PP2D1: variants seen among roughly 807,000 people sequenced by gnomAD.
The protein encoded by PP2D1 is protein phosphatase 2C like domain containing 1.
PP2D1 carries 25 observed loss-of-function variants against 30.2 expected under a neutral mutation model. The ratio of observed to expected loss-of-function variants is 0.83; its 90% CI spans 0.60 to 1.16. The LOEUF (loss-of-function observed/expected upper bound fraction) is 1.16, where lower values mean the gene tolerates loss of function less well. Among genes scored for constraint, PP2D1 ranks in the 50% most tolerant of loss-of-function variants. PP2D1 has a pLI of 0.00. For missense variants in PP2D1, 760 were observed against 742.4 expected, an observed-to-expected ratio of 1.02 and a Z score of -0.28; for synonymous variants, 260 against 258.9, an observed-to-expected ratio of 1.00 and a Z score of -0.04.
Position 20,001,900 on chromosome 3 carries a change from C to A in PP2D1, c.220G>T (p.Asp74Tyr). The A allele has an allele frequency of 6.5e-7, 1 of 1,536,308 alleles. No individual in the cohort carries two copies. Among genetic ancestry groups the A allele is most frequent in the South Asian group, 1.2e-5 (1 of 84,032 alleles). Residue 74 changes from aspartate to tyrosine, a missense_variant, in exon 2 of 3, where the codon GAC becomes TAC. Asp to Tyr is a radical substitution (Grantham distance 160). Coordinates refer to ENST00000389050, the MANE Select transcript of PP2D1 (RefSeq NM_001252657.2). ...LPCSICKHEI[D>Y]LTGIFLHKKQ... Reference sequence around the variant, plus strand: ...TTATGGAGAAAAATACCAGTTAGGTCAATTTCGTGCTTGCATATGGAACAG... The same window carrying A: ...TTATGGAGAAAAATACCAGTTAGGTAAATTTCGTGCTTGCATATGGAACAG...
At chr3:19,994,691 C>G (rs1376842038) in intron 2 of PP2D1, among the ~76,000 whole-genome samples, 3 of 152,168 alleles carry the variant, frequency 2.0e-5, no homozygotes, top group Non-Finnish European at 4.4e-5. Context: ...TTTACACTTT[C>G]ATCTGTTTTG....
At chr3:19,999,361 C>A (rs1697222268) in intron 2 of PP2D1, among the ~76,000 whole-genome samples, 1 of 151,386 alleles carries the variant, frequency 6.6e-6, no homozygotes, top group African/African-American at 2.4e-5. Flanking sequence ...CAGGCGTCAG[C>A]CACCGCGCCC....
chr3:19,998,961 T>A (rs986637655), intron 2 of PP2D1, among the ~76,000 whole-genome samples: 1 of 152,212 alleles, frequency 6.6e-6, no homozygotes, highest in Non-Finnish European at 1.5e-5. Flanking sequence ...CCCATGTGTC[T>A]TTCTATGAAA....
In PP2D1 at chr3:19,985,615, A is replaced by G; in HGVS notation, c.1658T>C (p.Phe553Ser). The stretch of plus-strand genomic sequence containing the variant: ...TTTACGATGAGTCGTTTCTGCTGGA[A>G]ATGTTTCTACATTCTCAGGGTTATA... ...CIYNPENVET[F>S]PAETTHRKPC... Residue 553 changes from phenylalanine (F) to serine (S), a missense_variant, in exon 3 of 3, where the codon TTT (phenylalanine) becomes TCT (serine). Phe to Ser is a radical substitution (Grantham distance 155). Transcript: ENST00000389050. 1 of 1,535,992 alleles carries G rather than the reference A, an allele frequency of 6.5e-7. No homozygotes were observed. The highest frequency in any genetic ancestry group is 8.7e-7 in the Non-Finnish European group (1 of 1,146,776).
At chr3:19,987,152 TG>T (rs1697050159) in intron 2 of PP2D1, among the ~76,000 whole-genome samples, 3 of 152,202 alleles carry the variant, frequency 2.0e-5, no homozygotes, top group Non-Finnish European at 4.4e-5. Context: ...AAAAGTTGAT[TG>T]TAGTTTGTCC....
chr3:20,008,207 T>G (rs887294414), intron 1 of PP2D1: 4 of 156,630 alleles, frequency 2.6e-5, no homozygotes, highest in African/African-American at 9.6e-5. Context: ...CTGAAGCTCC[T>G]TCTTAATTTC....
At chr3:19,987,060 C>T (rs1219787354) in intron 2 of PP2D1, among the ~76,000 whole-genome samples, 1 of 151,376 alleles carries the variant, frequency 6.6e-6, no homozygotes, top group Non-Finnish European at 1.5e-5. Flanking sequence ...AAAAATCATT[C>T]CTGTGGAGAA....
chr3:19,994,982 G>T (rs539838692), intron 2 of PP2D1, among the ~76,000 whole-genome samples: 24 of 152,190 alleles, frequency 1.6e-4, no homozygotes, highest in Non-Finnish European at 3.2e-4. Context: ...AGACTGAAAA[G>T]ATATTAATTC....
chr3:20,008,645 A>G (rs1289783547), intron 1 of PP2D1, among the ~76,000 whole-genome samples: 3 of 152,250 alleles, frequency 2.0e-5, no homozygotes, highest in African/African-American at 7.2e-5. Flanking sequence ...TCAGCTACTC[A>G]GGATGCTGAC....
chr3:19,986,719 C>T (rs751882102), intron 2 of PP2D1, among the ~76,000 whole-genome samples: 2 of 152,056 alleles, frequency 1.3e-5, no homozygotes, highest in Non-Finnish European at 2.9e-5. Flanking sequence ...AACTAGGTTG[C>T]TATAATGTGT....
intron 1 of PP2D1, 85 bp downstream of exon 1, chr3:20,011,965 T>G (rs751574106): frequency 9.4e-7 from 1 of 1,066,722 alleles, no homozygotes. Flanking sequence ...CATCTGATAA[T>G]TAAGAAAGTG....
At chr3:19,995,084 A>C (rs1018884493) in intron 2 of PP2D1, among the ~76,000 whole-genome samples, 5 of 152,206 alleles carry the variant, frequency 3.3e-5, no homozygotes, top group African/African-American at 1.2e-4. Flanking sequence ...CTTGCCTAAT[A>C]AATTACAAAA....
chr3:20,003,108 T>A (rs1440143837), intron 1 of PP2D1, among the ~76,000 whole-genome samples: 1 of 151,974 alleles, frequency 6.6e-6, no homozygotes, highest in Non-Finnish European at 1.5e-5. Flanking sequence ...ACGTAATACC[T>A]GATAATGATA....
At chr3:19,991,597 G>C (rs960449065) in intron 2 of PP2D1, among the ~76,000 whole-genome samples, 4 of 152,172 alleles carry the variant, frequency 2.6e-5, no homozygotes, top group African/African-American at 9.7e-5. Context: ...ATGGGGAGTG[G>C]AAGGATTTAG....
chr3:20,004,918 G>C (rs1049694098), intron 1 of PP2D1, among the ~76,000 whole-genome samples: 1 of 152,038 alleles, frequency 6.6e-6, no homozygotes, highest in African/African-American at 2.4e-5. Context: ...ACCAGCCTGG[G>C]CAACATAGTG....
chr3:19,991,462 T>C (rs1697118839), intron 2 of PP2D1, among the ~76,000 whole-genome samples: 1 of 152,108 alleles, frequency 6.6e-6, no homozygotes, highest in African/African-American at 2.4e-5. Context: ...GAAAAGAAAC[T>C]TTATGTGGTG....
intron 2 of PP2D1, among the ~76,000 whole-genome samples, chr3:19,988,911 A>G (rs930927994): frequency 6.6e-6 from 1 of 151,936 alleles, no homozygotes; most frequent in African/African-American, 2.4e-5. Context: ...GCCTCTACAC[A>G]GGAGGTGGAG....
chr3:19,981,753 G>T (rs79711466), downstream of PP2D1, among the ~76,000 whole-genome samples: 11 of 152,246 alleles, frequency 7.2e-5, no homozygotes, highest in Non-Finnish European at 1.3e-4. Context: ...CCAGAGAACA[G>T]CCACTAGCTG....
chr3:19,984,393 A>G (rs1696992734), downstream of PP2D1: 3 of 257,716 alleles, frequency 1.2e-5, no homozygotes, highest in South Asian at 7.4e-5. Context: ...TATTAATGGT[A>G]TCTTAATTAT....
Sources: allele counts gnomAD v4.1 joint callset (sites outside exome capture counted in the v4.1 genomes callset), GRCh38; gene constraint gnomAD v4.1.1; transcripts MANE v1.5; gene names NCBI Gene and HGNC (gene_info 2026-07-23, HGNC 2026-07-21).